The following ADAMTSL1 variants were observed in gnomAD, a reference collection of about 807,000 sequenced individuals.
The protein encoded by ADAMTSL1 is ADAMTS-like protein 1.
ADAMTSL1 carries 126 observed loss-of-function variants against 201.8 expected under a neutral mutation model. The observed-to-expected ratio is 0.62, with a 90% CI of 0.54 to 0.72. The LOEUF is 0.72. ADAMTSL1 is among the 30% of genes least tolerant of loss of function. The pLI is 0.00. For synonymous variants in ADAMTSL1, 1,121 were observed against 903.4 expected, an observed-to-expected ratio of 1.24 and a Z score of -4.32; for missense variants, 2,679 against 2,277.8, an observed-to-expected ratio of 1.18 and a Z score of -3.59.
chr9:18,155,631 C>A (rs2094421813), intron 1 of ADAMTSL1, among the ~76,000 whole-genome samples: 2 of 151,998 alleles, frequency 1.3e-5, no homozygotes, highest in Non-Finnish European at 2.9e-5. Context: ...ATTCTTCTTC[C>A]ATGTGGCCTA....
At chr9:18,216,713 C>A (rs1021770436) in intron 2 of ADAMTSL1, among the ~76,000 whole-genome samples, 18 of 139,072 alleles carry the variant, frequency 1.3e-4, no homozygotes, top group African/African-American at 4.9e-4. Flanking sequence ...CTTCCATTTT[C>A]CTTTAGTTTT....
intron 2 of ADAMTSL1, among the ~76,000 whole-genome samples, chr9:18,522,739 G>C (rs889867233): frequency 6.6e-6 from 1 of 151,758 alleles, no homozygotes; most frequent in Non-Finnish European, 1.5e-5. Flanking sequence ...ATGGTTTCCA[G>C]CTTCATCCAT....
chr9:18,888,688 G>A (rs1829054172), intron 24 of ADAMTSL1, among the ~76,000 whole-genome samples: 1 of 152,086 alleles, frequency 6.6e-6, no homozygotes, highest in Non-Finnish European at 1.5e-5. Context: ...TTCTTATAGT[G>A]TTTTCCATAG....
intron 21 of ADAMTSL1, chr9:18,826,008 G>A (rs995950625): frequency 1.7e-5 from 10 of 578,930 alleles, no homozygotes; most frequent in Admixed American, 3.0e-5. Flanking sequence ...CCCTCTTCCT[G>A]TCTCATCACT....
chr9:18,532,705 G>C (rs1819520733), intron 2 of ADAMTSL1, among the ~76,000 whole-genome samples: 1 of 151,254 alleles, frequency 6.6e-6, no homozygotes, highest in African/African-American at 2.4e-5. Flanking sequence ...CAACTACAGG[G>C]GACTTCTTTT....
At chr9:18,642,316 A>T (rs1827501296) in intron 7 of ADAMTSL1, among the ~76,000 whole-genome samples, 1 of 151,870 alleles carries the variant, frequency 6.6e-6, no homozygotes, top group Non-Finnish European at 1.5e-5. Context: ...TTTTTAATTA[A>T]TGAGTAAAAA....
intron 2 of ADAMTSL1, among the ~76,000 whole-genome samples, chr9:18,341,353 A>G (rs1239025260): frequency 5.3e-5 from 8 of 152,086 alleles, no homozygotes; most frequent in Non-Finnish European, 1.2e-4. Context: ...TTGCCTATCC[A>G]ACATTCTTCA....
chr9:18,903,246 T>C (rs1830111467), intron 26 of ADAMTSL1, among the ~76,000 whole-genome samples: 1 of 152,078 alleles, frequency 6.6e-6, no homozygotes, highest in South Asian at 2.1e-4. Context: ...AAAAGTAAAG[T>C]AGACTGGAAA....
chr9:18,100,695 C>G (rs894948454), intron 1 of ADAMTSL1, among the ~76,000 whole-genome samples: 5 of 151,962 alleles, frequency 3.3e-5, no homozygotes, highest in East Asian at 1.9e-4. Flanking sequence ...GGATCCCTGA[C>G]CTAGACAGGA....
chr9:18,582,835 C>T (rs901587072), intron 4 of ADAMTSL1, among the ~76,000 whole-genome samples: 7 of 149,468 alleles, frequency 4.7e-5, no homozygotes, highest in Non-Finnish European at 8.9e-5. Context: ...GGCGACACAA[C>T]GAGACTCCAT....
intron 2 of ADAMTSL1, among the ~76,000 whole-genome samples, chr9:18,171,360 A>T (rs1190558943): frequency 6.6e-6 from 1 of 152,104 alleles, no homozygotes; most frequent in Non-Finnish European, 1.5e-5. Context: ...GAACTTGTAT[A>T]AGAATTTACT....
intron 1 of ADAMTSL1, among the ~76,000 whole-genome samples, chr9:18,502,245 C>G (rs1392895926): frequency 6.6e-6 from 1 of 152,204 alleles, no homozygotes; most frequent in Admixed American, 6.5e-5. Context: ...ATTTCAATTA[C>G]TGCATGAATC....
At chr9:18,629,777 C>G (rs1048383810) in intron 5 of ADAMTSL1, among the ~76,000 whole-genome samples, 1 of 152,002 alleles carries the variant, frequency 6.6e-6, no homozygotes, top group Non-Finnish European at 1.5e-5. Flanking sequence ...AATTGCTTGT[C>G]TTCTTTTTTT....
intron 2 of ADAMTSL1, among the ~76,000 whole-genome samples, chr9:18,314,139 T>A (rs1039196599): frequency 6.3e-4 from 96 of 152,298 alleles, no homozygotes; most frequent in African/African-American, 2.2e-3. Context: ...AGATATCATC[T>A]CACATCTGTT....
intron 15 of ADAMTSL1, among the ~76,000 whole-genome samples, chr9:18,733,752 C>T (rs757979663): frequency 3.4e-4 from 51 of 151,118 alleles, no homozygotes; most frequent in Non-Finnish European, 5.9e-5. Flanking sequence ...TTCTGACTTT[C>T]CTAGTGCCTG....
intron 19 of ADAMTSL1, among the ~76,000 whole-genome samples, chr9:18,793,718 A>G (rs1822193118): frequency 6.6e-6 from 1 of 152,178 alleles, no homozygotes; most frequent in Admixed American, 6.5e-5. Context: ...TGTGCTATCA[A>G]ATAAACTGTC....
intron 1 of ADAMTSL1, among the ~76,000 whole-genome samples, chr9:18,136,539 G>A (rs148201709): frequency 9.2e-5 from 14 of 152,072 alleles, no homozygotes; most frequent in African/African-American, 3.4e-4. Flanking sequence ...GAGTAGGAAA[G>A]AGAATCACAC....
intron 2 of ADAMTSL1, among the ~76,000 whole-genome samples, chr9:18,275,936 C>A (rs115668710): frequency 0.015 from 2,223 of 152,190 alleles, 64 homozygotes; most frequent in African/African-American, 0.051. Flanking sequence ...ATGGAACTGC[C>A]AAACTCTTTT....
chr9:18,310,457 C>G (rs888133363), intron 2 of ADAMTSL1, among the ~76,000 whole-genome samples: 3 of 143,158 alleles, frequency 2.1e-5, no homozygotes, highest in Non-Finnish European at 4.5e-5. Context: ...GCAATCTATC[C>G]ATCTAACAAA....
Sources: gnomAD v4.1 joint callset for allele counts (sites outside exome capture counted in the v4.1 genomes callset) on GRCh38, gnomAD v4.1.1 for gene constraint, MANE v1.5 for transcripts, NCBI Gene and HGNC (gene_info 2026-07-23, HGNC 2026-07-21) for gene names.